Variants in BARD1 observed in about 807,000 individuals in gnomAD.
BARD1 encodes BRCA1-associated RING domain protein 1.
In BARD1, 73 loss-of-function variants were observed where a neutral mutation model predicts 77.0. The ratio of observed to expected loss-of-function variants is 0.95; its 90% CI spans 0.79 to 1.15. BARD1 has a LOEUF of 1.15. BARD1 is among the 50% of genes most tolerant of loss of function. The pLI, the probability that BARD1 is intolerant of heterozygous loss-of-function variation, is 0.00. For synonymous variants in BARD1, 384 were observed against 338.0 expected, an observed-to-expected ratio of 1.14 and a Z score of -1.49; for missense variants, 993 against 938.8, an observed-to-expected ratio of 1.06 and a Z score of -0.75.
At chr2:214,757,780 C>T (rs1693763119) in intron 6 of BARD1, among the ~76,000 whole-genome samples, 1 of 152,068 alleles carries the variant, frequency 6.6e-6, no homozygotes, top group South Asian at 2.1e-4. Flanking sequence ...CAGAGAGGCA[C>T]ACAGAAAAGG....
chr2:214,756,168 G>C (rs754228358), intron 6 of BARD1, among the ~76,000 whole-genome samples: 1 of 152,116 alleles, frequency 6.6e-6, no homozygotes, highest in Admixed American at 6.5e-5. Context: ...GGATCATGGG[G>C]GCGGATTTCC....
chr2:214,785,645 C>T (rs898046046), intron 3 of BARD1, among the ~76,000 whole-genome samples: 2 of 151,614 alleles, frequency 1.3e-5, no homozygotes, highest in African/African-American at 2.4e-5. Flanking sequence ...AGGAAGGAGT[C>T]CCCTAACTCC....
chr2:214,758,630 A>G (rs952811513), intron 6 of BARD1, among the ~76,000 whole-genome samples: 29 of 152,230 alleles, frequency 1.9e-4, no homozygotes, highest in African/African-American at 7.0e-4. Context: ...AGTATGAACC[A>G]CATAACTCTG....
intron 6 of BARD1, among the ~76,000 whole-genome samples, chr2:214,758,280 A>G (rs998200967): frequency 6.6e-6 from 1 of 152,240 alleles, no homozygotes; most frequent in African/African-American, 2.4e-5. Flanking sequence ...GATGGAAATA[A>G]TAACACTATC....
intron 6 of BARD1, among the ~76,000 whole-genome samples, chr2:214,754,256 T>C (rs563197633): frequency 5.9e-4 from 89 of 151,196 alleles, no homozygotes; most frequent in Non-Finnish European, 1.1e-3. Flanking sequence ...CCACATTATA[T>C]GCCATCCAAA....
chr2:214,809,219 G>A (rs1696435706), intron 1 of BARD1, among the ~76,000 whole-genome samples, 193 bp downstream of exon 1: 1 of 152,202 alleles, frequency 6.6e-6, no homozygotes, highest in South Asian at 2.1e-4. Context: ...AGGCCGGTAA[G>A]TCGCCCAAAA....
At chr2:214,786,110 TG>T (rs1695264695) in intron 3 of BARD1, among the ~76,000 whole-genome samples, 1 of 151,936 alleles carries the variant, frequency 6.6e-6, no homozygotes, top group Non-Finnish European at 1.5e-5. Flanking sequence ...AGAAAACCAG[TG>T]GCCACTAGTC....
At chr2:214,744,421 G>A (rs1399054475) in intron 9 of BARD1, among the ~76,000 whole-genome samples, 2 of 152,102 alleles carry the variant, frequency 1.3e-5, no homozygotes, top group African/African-American at 2.4e-5. Context: ...TCACAGACAT[G>A]TCATGCAGTA....
chr2:214,804,062 A>G (rs16852780), intron 1 of BARD1, among the ~76,000 whole-genome samples: 6,813 of 152,302 alleles, frequency 0.045, 247 homozygotes, highest in African/African-American at 0.099. Context: ...ATTAGGCAAG[A>G]CAGCTCCCAA....
chr2:214,753,404 A>T (rs1022936954), intron 6 of BARD1, among the ~76,000 whole-genome samples: 1 of 152,160 alleles, frequency 6.6e-6, no homozygotes, highest in Non-Finnish European at 1.5e-5. Flanking sequence ...CATGGCAAGA[A>T]GTTTTCAAAA....
chr2:214,809,289 A>G, intron 1 of BARD1, 123 bp downstream of exon 1: 5 of 1,424,688 alleles, frequency 3.5e-6, no homozygotes, highest in Non-Finnish European at 4.8e-6. Flanking sequence ...TGCTAACCGC[A>G]CGCCGACCCG....
At chr2:214,772,122 T>A (rs1403743947) in intron 4 of BARD1, among the ~76,000 whole-genome samples, 1 of 147,154 alleles carries the variant, frequency 6.8e-6, no homozygotes, top group Non-Finnish European at 1.5e-5. Flanking sequence ...TACATCACCA[T>A]GCCCAGCTAA....
At chr2:214,738,303 T>A (rs1422695198) in intron 9 of BARD1, among the ~76,000 whole-genome samples, 4 of 152,118 alleles carry the variant, frequency 2.6e-5, no homozygotes, top group African/African-American at 9.7e-5. Context: ...TTTCCTGAGA[T>A]CTTATTAATT....
chr2:214,803,903 A>AT (rs1217008614), intron 1 of BARD1, among the ~76,000 whole-genome samples: 1 of 152,150 alleles, frequency 6.6e-6, no homozygotes, highest in South Asian at 2.1e-4. Flanking sequence ...AGTGAGAACA[A>AT]TTTTTTTTAA....
chr2:214,725,984 A>G lies in BARD1; in HGVS notation c.*2692T>C, dbSNP rs997386206. The G allele has an allele frequency of 5.8e-5, 13 of 225,886 alleles. No homozygotes were observed. The highest frequency in any genetic ancestry group is 5.1e-4 in the Admixed American group (9 of 17,516). The allele number at this position is 225,886 out of a possible 1,614,324, so 14.0% of individuals were successfully genotyped here. A position where few individuals can be genotyped will look rare whatever the true frequency, so the allele number is the denominator to read the frequency against. ...CCACAGGAAACATCAAACCTCCCCAAATATCATCCTCTAGGCAGAGGTCAC... is the reference window on the plus strand; with the variant it reads ...CCACAGGAAACATCAAACCTCCCCAGATATCATCCTCTAGGCAGAGGTCAC... On this transcript the variant is annotated 3_prime_UTR_variant, in exon 11 of 11. Transcript: ENST00000260947.
intron 3 of BARD1, among the ~76,000 whole-genome samples, chr2:214,781,905 A>C (rs1695056975): frequency 6.6e-6 from 1 of 152,194 alleles, no homozygotes; most frequent in East Asian, 1.9e-4. Context: ...TATTGTTAAG[A>C]TGCCAATTGT....
Position 214,725,867 on chromosome 2 carries a change from G to A in BARD1, c.*2809C>T, listed in dbSNP as rs1431747671. ...TGTGACTGTAATGAGGCCCATGAAC[G>A]TTTAGAATATGATTAATGCATTTTC... On this transcript the variant is annotated 3_prime_UTR_variant, in exon 11 of 11. Coordinates refer to ENST00000260947, the MANE Select transcript of BARD1 (RefSeq NM_000465.4). The A allele has an allele frequency of 1.3e-5, 3 of 222,366 alleles. No individual in the cohort carries two copies. Among genetic ancestry groups the A allele is most frequent in the Non-Finnish European group, 2.7e-5 (3 of 111,276 alleles). The allele number at this position is 222,366 out of a possible 1,614,324, so 13.8% of individuals were successfully genotyped here. A position where few individuals can be genotyped will look rare whatever the true frequency, so the allele number is the denominator to read the frequency against.
In BARD1 at chr2:214,726,318, A is replaced by G. The variant is rs1470487994; in HGVS notation, c.*2358T>C. 2 of 200,236 alleles carry G rather than the reference A, an allele frequency of 1.0e-5. No individual in the cohort carries two copies. The highest frequency in any genetic ancestry group is 1.6e-4 in the East Asian group (2 of 12,830). 12.4% of individuals were successfully genotyped at this position (200,236 alleles called of 1,614,324 possible). ...CAAGGAAAAAGGGAAACAGTTATAA[A>G]TTCAAGTAGAACTAGAAAATAGCCA... On this transcript the variant is annotated 3_prime_UTR_variant, in exon 11 of 11. Coordinates refer to ENST00000260947, the MANE Select transcript of BARD1 (RefSeq NM_000465.4).
At chr2:214,781,597 T>A in intron 3 of BARD1, 88 bp from the exon 4 acceptor site, 1 of 1,001,062 alleles carries the variant, frequency 1.0e-6, no homozygotes, top group Non-Finnish European at 1.5e-6. Context: ...ACAGTTCCCC[T>A]AAAGTGTATC....
Sources: gnomAD v4.1 joint callset for allele counts (sites outside exome capture counted in the v4.1 genomes callset) on GRCh38, gnomAD v4.1.1 for gene constraint, MANE v1.5 for transcripts, NCBI Gene and HGNC (gene_info 2026-07-23, HGNC 2026-07-21) for gene names.